TSPAN1: variants seen among roughly 807,000 people sequenced by gnomAD.
TSPAN1 encodes the protein tetraspanin 1.
A neutral mutation model predicts 26.9 loss-of-function variants in TSPAN1; 23 were observed. The ratio of observed to expected loss-of-function variants is 0.85; its 90% CI spans 0.62 to 1.21. The LOEUF is 1.21. TSPAN1 is among the 50% of genes most tolerant of loss of function. The pLI, the probability that TSPAN1 is intolerant of heterozygous loss-of-function variation, is 0.00. For missense variants in TSPAN1, 283 were observed against 298.4 expected (o/e 0.95, Z 0.38); for synonymous variants, 115 against 114.8 (o/e 1.00, Z -0.01).
chr1:46,181,512 C>G (rs908497310), intron 3 of TSPAN1, among the ~76,000 whole-genome samples: 2 of 152,164 alleles, frequency 1.3e-5, no homozygotes, highest in African/African-American at 2.4e-5. Flanking sequence ...AGGGCTCCAC[C>G]CAAGTTTACC....
intron 1 of TSPAN1, among the ~76,000 whole-genome samples, chr1:46,178,073 G>C (rs933303087): frequency 1.3e-5 from 2 of 152,146 alleles, no homozygotes; most frequent in African/African-American, 4.8e-5. Flanking sequence ...GAAACAGAAA[G>C]GTTCCAGGTG....
chr1:46,190,357 G>T, downstream of TSPAN1: 2 of 1,373,900 alleles, frequency 1.5e-6, no homozygotes, highest in Non-Finnish European at 2.1e-6. Context: ...AGTTCCTAAT[G>T]TTTGAGATGA....
At chr1:46,195,025 G>T in the TSPAN1 span, 1 of 1,444,030 alleles carries the variant, frequency 6.9e-7, no homozygotes, top group Non-Finnish European at 9.8e-7. Context: ...GCCTCACAGA[G>T]CACGAACTAT....
chr1:46,194,248 C>T, the TSPAN1 span: 4 of 1,614,024 alleles, frequency 2.5e-6, no homozygotes, highest in African/African-American at 4.0e-5. Flanking sequence ...GGAGTCCAAA[C>T]CTCACTGTCT....
chr1:46,189,615 G>A (rs774497975), downstream of TSPAN1: 1 of 1,579,406 alleles, frequency 6.3e-7, no homozygotes, highest in Non-Finnish European at 8.6e-7. Flanking sequence ...AGAGCTGTAG[G>A]GAGGGGTCAC....
At chr1:46,186,711 G>C (rs1012395005), downstream of TSPAN1, among the ~76,000 whole-genome samples, 2 of 146,644 alleles carry the variant, frequency 1.4e-5, no homozygotes, top group African/African-American at 5.1e-5. Flanking sequence ...GCCCAGGCTG[G>C]AGTGCAGTGG....
the TSPAN1 span, chr1:46,192,314 C>T: frequency 1.6e-5 from 26 of 1,614,016 alleles, no homozygotes; most frequent in South Asian, 3.3e-5. Flanking sequence ...TTACCTTTTC[C>T]GGTGTAGGCC....
intron 2 of TSPAN1, 70 bp from the exon 3 acceptor site, chr1:46,181,030 C>A: frequency 7.2e-7 from 1 of 1,397,196 alleles, no homozygotes; most frequent in Non-Finnish European, 1.0e-6. Context: ...GGCTGAATAT[C>A]TGAAGCCAGG....
chr1:46,190,413 C>T (rs149441332), downstream of TSPAN1: 6 of 1,517,328 alleles, frequency 4.0e-6, no homozygotes, highest in East Asian at 1.1e-4. Context: ...ATTATGGGGC[C>T]AAGATCCCCA....
intron 5 of TSPAN1, 33 bp from the exon 6 acceptor site, chr1:46,184,752 A>T: frequency 6.2e-7 from 1 of 1,613,598 alleles, no homozygotes; most frequent in East Asian, 2.2e-5. Context: ...CACCTTCTGT[A>T]CCAGCCCCTA....
At chr1:46,192,598 A>G in the TSPAN1 span, 1 of 1,613,850 alleles carries the variant, frequency 6.2e-7, no homozygotes, top group Non-Finnish European at 8.5e-7. Flanking sequence ...AAACTGAGAG[A>G]GGCAGGGTCA....
At chr1:46,176,366 T>G in intron 1 of TSPAN1, 1 of 1,535,734 alleles carries the variant, frequency 6.5e-7, no homozygotes, top group South Asian at 1.2e-5. Context: ...CGGCTACACT[T>G]GAACATCCTG....
At chr1:46,190,552 G>A (rs1557670037), downstream of TSPAN1, 1 of 1,571,766 alleles carries the variant, frequency 6.4e-7, no homozygotes, top group Non-Finnish European at 8.8e-7. Context: ...AGGGGAGTGG[G>A]CAGGCCCTCA....
At position 46,185,495 on chromosome 1, in the gene TSPAN1, A is replaced by G; in HGVS notation, c.688A>G (p.Met230Val). The change falls in exon 9 of 9, where the codon ATG becomes GTG. Residue 230 changes from methionine (M) to valine (V), a missense_variant. By Grantham distance (21) the Met-to-Val change is conservative. Transcript: ENST00000372003. ...GTTCCTCCCTCTCCAGCTGGCTGCC[A>G]TGATTGTGTCCATGTATCTGTACTG... Reference protein sequence around the residue: ...AGIGGLELAAMIVSMYLYCNL... With the variant: ...AGIGGLELAAVIVSMYLYCNL... 1.9e-6 allele frequency: 3 copies of G among 1,614,204 alleles called. No individual in the cohort carries two copies. The highest frequency in any genetic ancestry group is 2.5e-6 in the Non-Finnish European group (3 of 1,180,036).
the TSPAN1 span, chr1:46,192,175 G>C: frequency 7.4e-6 from 12 of 1,614,142 alleles, no homozygotes; most frequent in Non-Finnish European, 1.0e-5. Flanking sequence ...ATGCACTCTC[G>C]GCCCCGGCGT....
the TSPAN1 span, chr1:46,191,914 G>T: frequency 1.0e-6 from 1 of 954,066 alleles, no homozygotes; most frequent in Non-Finnish European, 1.5e-6. Context: ...GATTACAGGC[G>T]TGAGCCACCG....
chr1:46,184,378 G>C lies in TSPAN1; in HGVS notation c.245G>C (p.Ser82Thr). 1 of 1,614,142 alleles carries C rather than the reference G, an allele frequency of 6.2e-7. No homozygotes were observed. The highest frequency in any genetic ancestry group is 1.1e-5 in the South Asian group (1 of 91,078). ...FLGCYGAKTE[S>T]KCALVTFFFI... ...GGCTGCTATGGTGCTAAGACTGAGA[G>C]CAAGTGTGCCCTCGTGACGGTGTGT... Residue 82 changes from serine to threonine, a missense_variant, in exon 4 of 9, where the codon AGC (serine) becomes ACC (threonine). Transcript: ENST00000372003.
At position 46,184,767 on chromosome 1, in the gene TSPAN1, C is replaced by T. The variant is rs1243687963; in HGVS notation, c.340-18C>T. On this transcript the variant is annotated intron_variant, in intron 5 of 8. Transcript: ENST00000372003. ...CACCTTCTGTACCAGCCCCTAAACACTGGCCTGCCTCACCCAGGCTGAGCA... is the reference window on the plus strand; with the variant it reads ...CACCTTCTGTACCAGCCCCTAAACATTGGCCTGCCTCACCCAGGCTGAGCA... The T allele has an allele frequency of 6.2e-7, 1 of 1,614,158 alleles. No homozygotes were observed. Among genetic ancestry groups the T allele is most frequent in the Admixed American group, 1.7e-5 (1 of 60,030 alleles).
At chr1:46,188,742 C>A, downstream of TSPAN1, 7 of 1,609,662 alleles carry the variant, frequency 4.3e-6, no homozygotes, top group Non-Finnish European at 5.9e-6. Context: ...GAAATCTGGA[C>A]AAAGAGAAGG....
Sources: gnomAD v4.1 joint callset for allele counts (sites outside exome capture counted in the v4.1 genomes callset) on GRCh38, gnomAD v4.1.1 for gene constraint, MANE v1.5 for transcripts, NCBI Gene and HGNC (gene_info 2026-07-23, HGNC 2026-07-21) for gene names.